Variants in HPSE2 observed in about 807,000 individuals in gnomAD.
The protein encoded by HPSE2 is heparanase 2 (inactive).
A neutral mutation model predicts 60.5 loss-of-function variants in HPSE2; 38 were observed. That is an observed-to-expected ratio of 0.63 (90% CI 0.48 to 0.82). HPSE2 has a LOEUF of 0.82. HPSE2 is among the 40% of genes least tolerant of loss of function. HPSE2 has a pLI of 0.00. For missense variants in HPSE2, 713 were observed against 740.4 expected, an observed-to-expected ratio of 0.96 and a Z score of 0.43; for synonymous variants, 295 against 293.2, an observed-to-expected ratio of 1.01 and a Z score of -0.06.
chr10:98,725,475 T>C (rs1290797391), intron 4 of HPSE2, among the ~76,000 whole-genome samples: 3 of 152,164 alleles, frequency 2.0e-5, no homozygotes, highest in Non-Finnish European at 4.4e-5. Flanking sequence ...TTACACCTTA[T>C]ACAAAAATTA....
intron 3 of HPSE2, among the ~76,000 whole-genome samples, chr10:98,996,354 G>T (rs745657865): frequency 6.6e-6 from 1 of 152,168 alleles, no homozygotes; most frequent in Non-Finnish European, 1.5e-5. Context: ...TGTTGGTGGG[G>T]ATATGGAGCA....
In HPSE2 at chr10:98,765,714, G is replaced by A. The variant is rs540228940; in HGVS notation, c.611-21658C>T. Among the ~76,000 whole-genome samples, 13 of 152,034 alleles carry A rather than the reference G, an allele frequency of 8.6e-5. No homozygotes were observed. The South Asian group carries it at 1.2e-3, about 15-fold the overall frequency. ...TTAGCCAGGCATGGCATGGTGGCAC[G>A]TGCCTGTAATCCCAGTTACTCAGGA... On this transcript the variant is annotated intron_variant, in intron 3 of 11. Coordinates refer to ENST00000370552, the MANE Select transcript of HPSE2 (RefSeq NM_021828.5).
intron 3 of HPSE2, among the ~76,000 whole-genome samples, chr10:99,094,540 ATTTTTTTTTTT>A (rs531721304): frequency 0.012 from 329 of 26,416 alleles, 1 homozygote; most frequent in African/African-American, 0.038. Flanking sequence ...ATATATATAT[ATTTTTTTTTTT>A]TTTTTTTTTT....
Position 98,780,676 on chromosome 10 carries a change from G to GA in HPSE2, c.611-36621dup, listed in dbSNP as rs575086268. Reference sequence around the variant, plus strand: ...TTTTGATTGCTTGGCTAGGGAAGATGAAAAAAATGCAAGATGACTGCAAGT... The same window carrying GA: ...TTTTGATTGCTTGGCTAGGGAAGATGAAAAAAAATGCAAGATGACTGCAAGT... On this transcript the variant is annotated intron_variant, in intron 3 of 11. Transcript: ENST00000370552. Among the ~76,000 whole-genome samples, 6 of 152,006 alleles carry GA rather than the reference G, an allele frequency of 3.9e-5. No individual in the cohort carries two copies. The South Asian group carries it at 1.0e-3, about 26-fold the overall frequency.
chr10:98,625,930 G>A (rs927838321), intron 7 of HPSE2, among the ~76,000 whole-genome samples: 2 of 152,062 alleles, frequency 1.3e-5, no homozygotes, highest in South Asian at 2.1e-4. Flanking sequence ...GTGAAACCCC[G>A]TTTCTACTAA....
At chr10:99,019,844 T>A (rs772918346) in intron 3 of HPSE2, among the ~76,000 whole-genome samples, 7 of 151,884 alleles carry the variant, frequency 4.6e-5, no homozygotes, top group Non-Finnish European at 1.0e-4. Context: ...CCCTAGTAGC[T>A]GAGATTACGG....
chr10:99,258,883 A>C, the HPSE2 span, among the ~76,000 whole-genome samples: 14 of 152,242 alleles, frequency 9.2e-5, no homozygotes, highest in African/African-American at 3.4e-4. Flanking sequence ...TCACAGACCT[A>C]ACTATAAACC....
intron 3 of HPSE2, among the ~76,000 whole-genome samples, chr10:98,775,887 T>A (rs1363637910): frequency 6.6e-6 from 1 of 152,182 alleles, no homozygotes; most frequent in African/African-American, 2.4e-5. Flanking sequence ...ATTCCCTGAA[T>A]TGATGAATAA....
intron 2 of HPSE2, among the ~76,000 whole-genome samples, chr10:99,206,945 G>C (rs1564894079): frequency 6.6e-6 from 1 of 151,974 alleles, no homozygotes; most frequent in East Asian, 1.9e-4. Context: ...TTAGGTATAA[G>C]AGTTCAAAAA....
At position 98,636,416 on chromosome 10, in the gene HPSE2, T is replaced by A. The variant is rs529707286; in HGVS notation, c.1098+5431A>T. ...CACCATGCCCGGCTGATTTTTGTATTTTTAGTAGAGACGGGGTTTCACCAT... is the reference window on the plus strand; with the variant it reads ...CACCATGCCCGGCTGATTTTTGTATATTTAGTAGAGACGGGGTTTCACCAT... On this transcript the variant is annotated intron_variant, in intron 7 of 11. Transcript: ENST00000370552. Among the ~76,000 whole-genome samples, 140 of 152,070 alleles carry A rather than the reference T, an allele frequency of 9.2e-4. 2 individuals carry two copies. Among genetic ancestry groups the A allele is most frequent in the Non-Finnish European group, 1.0e-3 (69 of 68,012 alleles).
At chr10:99,086,384 G>A (rs1361069195) in intron 3 of HPSE2, among the ~76,000 whole-genome samples, 8 of 109,704 alleles carry the variant, frequency 7.3e-5, no homozygotes, top group Non-Finnish European at 1.2e-4. Flanking sequence ...ACGGAGTCTC[G>A]CTCTGTCGCC....
In HPSE2 at chr10:99,212,908, G is replaced by A. The variant is rs143753053; in HGVS notation, c.448+19440C>T. Among the ~76,000 whole-genome samples the A allele has an allele frequency of 2.5e-3, 387 of 152,222 alleles. 2 individuals are homozygous for A. Among genetic ancestry groups the A allele is most frequent in the African/African-American group, 8.8e-3 (366 of 41,556 alleles). On this transcript the variant is annotated intron_variant, in intron 2 of 11. Coordinates refer to ENST00000370552, the MANE Select transcript of HPSE2 (RefSeq NM_021828.5). ...TAAATAATATAGAATGTTTTTGCCA[G>A]TTAAATAAATAAAGTGCCTTGCAGA...
At chr10:99,197,810 C>T (rs1848451600) in intron 2 of HPSE2, among the ~76,000 whole-genome samples, 1 of 152,142 alleles carries the variant, frequency 6.6e-6, no homozygotes, top group Non-Finnish European at 1.5e-5. Flanking sequence ...CCGGTAATCC[C>T]ATCACTTTGG....
At chr10:98,654,323 T>C (rs1947000608) in intron 6 of HPSE2, among the ~76,000 whole-genome samples, 1 of 152,216 alleles carries the variant, frequency 6.6e-6, no homozygotes, top group Admixed American at 6.5e-5. Context: ...ATTCTTCTGC[T>C]CTGTTTTCTC....
At chr10:99,075,566 CAGCT>C (rs1432590737) in intron 3 of HPSE2, among the ~76,000 whole-genome samples, 1 of 151,982 alleles carries the variant, frequency 6.6e-6, no homozygotes, top group South Asian at 2.1e-4. Flanking sequence ...TTTTTCAAGT[CAGCT>C]GTTTCCTTAT....
chr10:99,149,040 T>A (rs533679954), intron 2 of HPSE2, among the ~76,000 whole-genome samples: 1 of 151,326 alleles, frequency 6.6e-6, no homozygotes. Flanking sequence ...TAAATATATA[T>A]ATTTATACAA....
chr10:98,763,793 A>C (rs1378260761), intron 3 of HPSE2, among the ~76,000 whole-genome samples: 1 of 151,520 alleles, frequency 6.6e-6, no homozygotes, highest in Non-Finnish European at 1.5e-5. Flanking sequence ...AAAAAAAAAA[A>C]CTAGTAGAAT....
At chr10:99,226,622 A>C (rs2133940342) in intron 2 of HPSE2, among the ~76,000 whole-genome samples, 1 of 152,108 alleles carries the variant, frequency 6.6e-6, no homozygotes, top group African/African-American at 2.4e-5. Context: ...GATATCTGTC[A>C]ATTTCTTCAG....
intron 3 of HPSE2, among the ~76,000 whole-genome samples, chr10:98,926,771 C>A (rs192081617): frequency 6.6e-6 from 1 of 152,146 alleles, no homozygotes; most frequent in African/African-American, 2.4e-5. Context: ...TTGTCCCTTA[C>A]TTATCCTTAT....
Sources: gnomAD v4.1 joint callset for allele counts (sites outside exome capture counted in the v4.1 genomes callset) on GRCh38, gnomAD v4.1.1 for gene constraint, MANE v1.5 for transcripts, NCBI Gene and HGNC (gene_info 2026-07-23, HGNC 2026-07-21) for gene names.